MICAL3: variants seen among roughly 807,000 people sequenced by gnomAD.
MICAL3 encodes [F-actin]-monooxygenase MICAL3.
A neutral mutation model predicts 207.4 loss-of-function variants in MICAL3; 62 were observed. The observed-to-expected ratio is 0.30, with a 90% CI of 0.24 to 0.37. The LOEUF is 0.37. Among genes scored for constraint, MICAL3 ranks in the 10% least tolerant of loss-of-function variants. MICAL3 has a pLI of 1.00. For synonymous variants in MICAL3, 1,077 were observed against 1,069.3 expected (o/e 1.01, Z -0.14); for missense variants, 2,368 against 2,635.6 (o/e 0.90, Z 2.22).
chr22:17,864,848 A>T (rs1926906694), intron 19 of MICAL3, 51 bp downstream of exon 19: 21 of 1,613,882 alleles, frequency 1.3e-5, no homozygotes, highest in Non-Finnish European at 1.8e-5. Flanking sequence ...GCCTTGTCAC[A>T]GAGGCCGAGG....
intron 1 of MICAL3, among the ~76,000 whole-genome samples, chr22:17,975,102 ACTT>A (rs143763933): frequency 0.011 from 1,628 of 152,310 alleles, 36 homozygotes; most frequent in African/African-American, 0.038. Context: ...CTCAAGACTG[ACTT>A]CTTTGAAAGA....
At chr22:17,875,872 A>G (rs1345347537) in intron 16 of MICAL3, among the ~76,000 whole-genome samples, 1 of 152,116 alleles carries the variant, frequency 6.6e-6, no homozygotes, top group Non-Finnish European at 1.5e-5. Flanking sequence ...CAGGAAGGGC[A>G]GGGGGATGGC....
chr22:17,987,213 C>G (rs1019651587), intron 1 of MICAL3, among the ~76,000 whole-genome samples: 20 of 152,274 alleles, frequency 1.3e-4, no homozygotes, highest in African/African-American at 4.8e-4. Flanking sequence ...CGCACTCCAG[C>G]CTGGGTGACA....
intron 1 of MICAL3, among the ~76,000 whole-genome samples, chr22:17,932,191 T>A (rs912622345): frequency 6.6e-6 from 1 of 151,684 alleles, no homozygotes; most frequent in South Asian, 2.1e-4. Flanking sequence ...TTCACCAAGG[T>A]TGAAATGAAG....
At chr22:18,014,487 A>C (rs1923932958) in intron 1 of MICAL3, among the ~76,000 whole-genome samples, 1 of 151,394 alleles carries the variant, frequency 6.6e-6, no homozygotes, top group African/African-American at 2.4e-5. Context: ...CCTGTTTCCC[A>C]CTTCAAAAGA....
intron 20 of MICAL3, among the ~76,000 whole-genome samples, chr22:17,836,094 C>T (rs1923332247): frequency 6.6e-6 from 1 of 152,082 alleles, no homozygotes; most frequent in African/African-American, 2.4e-5. Flanking sequence ...CTCTGAATTT[C>T]CCCCCAGCTG....
rs1174449350 is a variant in MICAL3, at chr22:17,893,920, A to G, written c.1450-16T>C. 6 of 1,519,566 alleles carry G rather than the reference A, an allele frequency of 3.9e-6. No individual in the cohort carries two copies. In the East Asian group the frequency reaches 1.2e-4, roughly 31 times the overall value. 94.1% of individuals were successfully genotyped at this position (1,519,566 alleles called of 1,614,324 possible). ...AATGGCGCACCTGGCAGAAATTTAC[A>G]AAGTCAAACAGAAAGAAAATCAAAT... On this transcript the variant is annotated splice_polypyrimidine_tract_variant and intron_variant, in intron 10 of 31. Transcript: ENST00000441493.
At chr22:17,833,673 A>C (rs1923053252) in intron 20 of MICAL3, among the ~76,000 whole-genome samples, 1 of 152,206 alleles carries the variant, frequency 6.6e-6, no homozygotes, top group South Asian at 2.1e-4. Context: ...ACCCCGGTTC[A>C]TGTTGCATAG....
rs1475125624 is a variant in MICAL3, at chr22:17,796,123, C to T, written c.5651-4822G>A. 2.6e-5 allele frequency among the ~76,000 whole-genome samples: 4 copies of T among 152,338 alleles called. No individual in the cohort carries two copies. The highest frequency in any genetic ancestry group is 3.4e-3 in the Middle Eastern group (1 of 294). On this transcript the variant is annotated intron_variant, in intron 29 of 31. Transcript: ENST00000441493. This position sits in a 1 kb window ranked among gnomAD's most constrained non-coding sequence, Gnocchi z 4.4. Reference sequence around the variant, plus strand: ...CTGCGTGCCCTGGGCGCTGGCCACCCCTCCTGAGCTCCCGAGCAGTGAGCG... The same window carrying T: ...CTGCGTGCCCTGGGCGCTGGCCACCTCTCCTGAGCTCCCGAGCAGTGAGCG...
intron 19 of MICAL3, among the ~76,000 whole-genome samples, chr22:17,849,488 T>A (rs568788026): frequency 6.6e-6 from 1 of 152,026 alleles, no homozygotes; most frequent in African/African-American, 2.4e-5. Context: ...GTGTGCGCCA[T>A]CACGCCTGGC....
At chr22:17,924,371 G>T (rs955109299) in intron 1 of MICAL3, among the ~76,000 whole-genome samples, 1 of 152,106 alleles carries the variant, frequency 6.6e-6, no homozygotes, top group African/African-American at 2.4e-5. Context: ...TAAATATACC[G>T]CCTTGAGAAA....
intron 16 of MICAL3, among the ~76,000 whole-genome samples, chr22:17,877,528 T>TTAGG (rs1928928700): frequency 7.5e-6 from 1 of 133,354 alleles, no homozygotes; most frequent in Non-Finnish European, 1.6e-5. Context: ...GTTAGGGAGG[T>TTAGG]GAGGGAGGTT....
intron 1 of MICAL3, among the ~76,000 whole-genome samples, chr22:18,003,436 T>A (rs900367365): frequency 3.3e-5 from 5 of 152,214 alleles, no homozygotes; most frequent in Admixed American, 2.6e-4. Context: ...CCCAATGAGC[T>A]GTCCACAATT....
chr22:18,004,569 T>C (rs1033336317), intron 1 of MICAL3: 1 of 152,280 alleles, frequency 6.6e-6, no homozygotes, highest in Non-Finnish European at 1.5e-5. Flanking sequence ...CCAATATACA[T>C]TTCTTATTGA....
At chr22:18,018,135 A>G (rs1924189949) in intron 1 of MICAL3, among the ~76,000 whole-genome samples, 1 of 151,730 alleles carries the variant, frequency 6.6e-6, no homozygotes, top group Admixed American at 6.6e-5. Context: ...CGGCCTCCCA[A>G]ATTGCTGGGA....
At chr22:17,863,156 T>C in intron 19 of MICAL3, 2 of 985,494 alleles carry the variant, frequency 2.0e-6, no homozygotes, top group Non-Finnish European at 2.4e-6. Flanking sequence ...ATGGCAAGAA[T>C]GGCAACCTCG....
chr22:17,865,506 G>A (rs949064797), intron 18 of MICAL3, among the ~76,000 whole-genome samples: 2 of 152,248 alleles, frequency 1.3e-5, no homozygotes, highest in African/African-American at 4.8e-5. Context: ...TGGGTGTGGG[G>A]AGTGAGGGTG....
At position 17,817,745 on chromosome 22, in the gene MICAL3, G is replaced by A. The variant is rs1921156382; in HGVS notation, c.4916C>T (p.Pro1639Leu). The change falls in exon 26 of 32, where the codon CCC becomes CTC. Residue 1639 changes from proline (P) to leucine (L), a missense_variant. By Grantham distance (98) the Pro-to-Leu change is moderately conservative. Around this residue, in one of 4 missense-constraint regions of MICAL3, gnomAD observed 1,770 missense variants for 1,863.2 expected, o/e 0.95. Coordinates refer to ENST00000441493, the MANE Select transcript of MICAL3 (RefSeq NM_015241.3). ...APRPRKASSA[P>L]SQGKERRPDS... is the part of the protein sequence containing the mutation. ...AGGCCGGCGCTCCTTGCCCTGGGAG[G>A]GTGCTGAGGACGCCTTGCGGGGCCT... 6.3e-7 allele frequency: 1 copy of A among 1,589,426 alleles called. No individual in the cohort carries two copies. Among genetic ancestry groups the A allele is most frequent in the Non-Finnish European group, 8.6e-7 (1 of 1,168,408 alleles).
Position 17,796,565 on chromosome 22 carries a change from C to A in MICAL3, c.5651-5264G>T, listed in dbSNP as rs1296872766. Among the ~76,000 whole-genome samples, 1 of 152,232 alleles carries A rather than the reference C, an allele frequency of 6.6e-6. No homozygotes were observed. Among genetic ancestry groups the A allele is most frequent in the East Asian group, 1.9e-4 (1 of 5,204 alleles). On this transcript the variant is annotated intron_variant, in intron 29 of 31. Transcript: ENST00000441493. This position sits in a 1 kb window ranked among gnomAD's most constrained non-coding sequence, Gnocchi z 4.4. ...CAAATCTTCTTGCCCACTCTGAACT[C>A]AGAGCTTTCCCTCTTCAACACAGGC...
Sources: allele counts gnomAD v4.1 joint callset (sites outside exome capture counted in the v4.1 genomes callset), GRCh38; gene constraint gnomAD v4.1.1; regional missense constraint gnomAD v4.1.1; non-coding constraint Gnocchi (gnomAD v3.1); transcripts MANE v1.5; gene names NCBI Gene and HGNC (gene_info 2026-07-23, HGNC 2026-07-21).